Variants in DBNDD1 observed in about 807,000 individuals in gnomAD.
DBNDD1 encodes the protein dysbindin domain containing 1.
DBNDD1 carries 14 observed loss-of-function variants against 17.0 expected under a neutral mutation model. That is an observed-to-expected ratio of 0.82 (90% CI 0.54 to 1.29). The LOEUF is 1.29. Among genes scored for constraint, DBNDD1 ranks in the 50% most tolerant of loss-of-function variants. The probability of loss-of-function intolerance (pLI) is 0.00; values close to 1 mark genes in which losing one functional copy is unlikely to be tolerated. For missense variants in DBNDD1, 221 were observed against 216.2 expected, an observed-to-expected ratio of 1.02 and a Z score of -0.14; for synonymous variants, 105 against 102.0, an observed-to-expected ratio of 1.03 and a Z score of -0.18.
In DBNDD1 at chr16:90,006,308, G is replaced by T. The variant is rs958572422; in HGVS notation, c.*27C>A. On this transcript the variant is annotated 3_prime_UTR_variant, in exon 4 of 4. Coordinates refer to ENST00000002501, the MANE Select transcript of DBNDD1 (RefSeq NM_001042610.3). The stretch of plus-strand genomic sequence containing the variant: ...GCCATCGTGTTCGGACCCCATCCCT[G>T]CAGGAGCTGGGGCAGGTGGAGATGG... 12 of 1,588,274 alleles carry T rather than the reference G, an allele frequency of 7.6e-6. No individual in the cohort carries two copies. The African/African-American group carries it at 1.5e-4, about 20-fold the overall frequency.
intron 1 of DBNDD1, among the ~76,000 whole-genome samples, chr16:90,017,090 G>T (rs1054963560): frequency 2.0e-5 from 3 of 152,256 alleles, no homozygotes; most frequent in Admixed American, 6.5e-5. Flanking sequence ...CCCTCAGAGA[G>T]GGCACAGGTC....
intron 1 of DBNDD1, among the ~76,000 whole-genome samples, chr16:90,013,015 GC>G (rs1197330317): frequency 3.3e-5 from 5 of 151,788 alleles, no homozygotes; most frequent in African/African-American, 9.7e-5. Flanking sequence ...CTCTCTGGCA[GC>G]CCCCTAATAT....
At chr16:90,015,534 A>C (rs559981834) in intron 1 of DBNDD1, among the ~76,000 whole-genome samples, 34 of 152,342 alleles carry the variant, frequency 2.2e-4, no homozygotes, top group Non-Finnish European at 2.6e-4. Flanking sequence ...CCTAACACTT[A>C]ACGTTGTTCA....
intron 1 of DBNDD1, among the ~76,000 whole-genome samples, chr16:90,016,622 C>T (rs551948075): frequency 7.9e-5 from 12 of 152,150 alleles, no homozygotes; most frequent in Non-Finnish European, 1.2e-4. Flanking sequence ...AGGAGCACCT[C>T]AGCGAGGGAG....
chr16:90,008,755 T>C (rs763843177), intron 3 of DBNDD1, 29 bp downstream of exon 3: 1 of 1,580,908 alleles, frequency 6.3e-7, no homozygotes, highest in South Asian at 1.1e-5. Flanking sequence ...CAGGCACACC[T>C]CCCAGCCCAG....
At chr16:90,011,837 C>CA in intron 1 of DBNDD1, 1 of 331,016 alleles carries the variant, frequency 3.0e-6, no homozygotes, top group Non-Finnish European at 6.1e-6. Flanking sequence ...AGGCTGTGAG[C>CA]AGGGGGACCT....
intron 1 of DBNDD1, chr16:90,009,769 C>G (rs2035516644): frequency 1.5e-6 from 1 of 682,802 alleles, no homozygotes; most frequent in Non-Finnish European, 2.5e-6. Flanking sequence ...CCAGTGCCGT[C>G]CTGGCCTCTG....
intron 1 of DBNDD1, among the ~76,000 whole-genome samples, chr16:90,011,371 G>A (rs1267302989): frequency 1.3e-5 from 2 of 152,216 alleles, no homozygotes; most frequent in Non-Finnish European, 2.9e-5. Context: ...GCAGAGCCAA[G>A]GGAGCTGAGG....
At chr16:90,010,319 G>A (rs1225300354) in intron 1 of DBNDD1, 1 of 284,268 alleles carries the variant, frequency 3.5e-6, no homozygotes, top group South Asian at 6.6e-5. Flanking sequence ...GGATTACAAG[G>A]TGTGAGCCAC....
In DBNDD1 at chr16:90,006,003, T is replaced by C; in HGVS notation, c.*332A>G. On this transcript the variant is annotated 3_prime_UTR_variant, in exon 4 of 4. Coordinates refer to ENST00000002501, the MANE Select transcript of DBNDD1 (RefSeq NM_001042610.3). ...CCATTCCTCAGCACGTTCCTGGCAGTGACTCCGTGACGCTGTCTTCCTGAC... is the reference window on the plus strand; with the variant it reads ...CCATTCCTCAGCACGTTCCTGGCAGCGACTCCGTGACGCTGTCTTCCTGAC... 1 of 249,182 alleles carries C rather than the reference T, an allele frequency of 4.0e-6. No homozygotes were observed. Among genetic ancestry groups the C allele is most frequent in the South Asian group, 8.0e-5 (1 of 12,560 alleles). The allele number at this position is 249,182 out of a possible 1,614,324, so 15.4% of individuals were successfully genotyped here.
At chr16:90,019,718 G>A (rs1266532981), upstream of DBNDD1, 1 of 631,902 alleles carries the variant, frequency 1.6e-6, no homozygotes, top group East Asian at 3.2e-5. The surrounding 1 kb of genome is among the most constrained non-coding windows in gnomAD (Gnocchi z 6.1). Context: ...CGGGGCTCCT[G>A]CGCACTCACT....
chr16:90,010,399 C>T lies in DBNDD1; in HGVS notation c.32-969G>A, dbSNP rs1366279471. Among the ~76,000 whole-genome samples the T allele has an allele frequency of 1.7e-4, 22 of 132,922 alleles. 1 individual carries two copies. Among genetic ancestry groups the T allele is most frequent in the African/African-American group, 4.6e-4 (16 of 34,476 alleles). The allele number at this position is 132,922 out of a possible 152,430, so 87.2% of individuals were successfully genotyped here. On this transcript the variant is annotated intron_variant, in intron 1 of 3. Coordinates refer to ENST00000002501, the MANE Select transcript of DBNDD1 (RefSeq NM_001042610.3). ...TTTTTTTTTTTTTGAGACAGAGTCT[C>T]GCTCTGTCACCAGGCTGGAGTGCAG...
chr16:90,010,766 G>A lies in DBNDD1; in HGVS notation c.32-1336C>T, dbSNP rs113336772. Among the ~76,000 whole-genome samples the A allele has an allele frequency of 8.4e-3, 1,273 of 152,312 alleles. 16 individuals carry two copies. The highest frequency in any genetic ancestry group is 0.031 in the Middle Eastern group (9 of 294). On this transcript the variant is annotated intron_variant, in intron 1 of 3. Coordinates refer to ENST00000002501, the MANE Select transcript of DBNDD1 (RefSeq NM_001042610.3). ...AGATCCCCTCAGCCCCTCCTCAGCT[G>A]CTCACCCTCTCATCCAGGGCCACGC...
At chr16:90,009,600 G>A (rs2035512420) in intron 1 of DBNDD1, 170 bp from the exon 2 acceptor site, 7 of 975,298 alleles carry the variant, frequency 7.2e-6, no homozygotes, top group South Asian at 3.3e-5. Flanking sequence ...ACCCAGACAA[G>A]GGGTTGAGGG....
chr16:90,011,237 G>A (rs1176968236), intron 1 of DBNDD1, among the ~76,000 whole-genome samples: 2 of 152,226 alleles, frequency 1.3e-5, no homozygotes, highest in Non-Finnish European at 1.5e-5. Flanking sequence ...TGCAGCTGGG[G>A]TTCACAGCGC....
intron 2 of DBNDD1, 26 bp from the exon 3 acceptor site, chr16:90,008,950 C>T (rs1258472976): frequency 1.3e-6 from 2 of 1,524,980 alleles, no homozygotes; most frequent in Admixed American, 3.9e-5. Flanking sequence ...GTACAGTCAG[C>T]CCTCAGGCCC....
intron 1 of DBNDD1, among the ~76,000 whole-genome samples, chr16:90,017,019 C>A (rs1468003915): frequency 1.3e-5 from 2 of 152,188 alleles, no homozygotes; most frequent in Non-Finnish European, 2.9e-5. Flanking sequence ...ATCCCTCTGT[C>A]CCTGTGGACC....
chr16:90,012,446 C>A (rs1793918120), intron 1 of DBNDD1, among the ~76,000 whole-genome samples: 1 of 150,558 alleles, frequency 6.6e-6, no homozygotes, highest in Non-Finnish European at 1.5e-5. Context: ...CTGAGGGGCA[C>A]CCCCTCCTCT....
chr16:90,014,730 C>T (rs1025711501), intron 1 of DBNDD1, among the ~76,000 whole-genome samples: 27 of 152,118 alleles, frequency 1.8e-4, no homozygotes, highest in East Asian at 9.7e-4. Flanking sequence ...TTCGGCCGGG[C>T]GCGGTGGCTC....
Sources: allele counts gnomAD v4.1 joint callset (sites outside exome capture counted in the v4.1 genomes callset), GRCh38; gene constraint gnomAD v4.1.1; non-coding constraint Gnocchi (gnomAD v3.1); transcripts MANE v1.5; gene names NCBI Gene and HGNC (gene_info 2026-07-23, HGNC 2026-07-21).